Variants in XKR6 observed in about 807,000 individuals in gnomAD.
The protein encoded by XKR6 is XK related 6, also known as XK-related protein 6.
In XKR6, 22 loss-of-function variants were observed where a neutral mutation model predicts 56.7. That is an observed-to-expected ratio of 0.39 (90% CI 0.28 to 0.55). The LOEUF is 0.55. XKR6 is among the 20% of genes least tolerant of loss of function. XKR6 has a pLI of 0.66. For synonymous variants in XKR6, 524 were observed against 387.8 expected (o/e 1.35, Z -4.13); for missense variants, 852 against 889.0 (o/e 0.96, Z 0.53).
chr8:11,144,544 T>C (rs1282998219), intron 1 of XKR6, among the ~76,000 whole-genome samples: 1 of 151,968 alleles, frequency 6.6e-6, no homozygotes, highest in African/African-American at 2.4e-5. Flanking sequence ...AGAGCTCGGC[T>C]GGTAATGATT....
chr8:11,151,622 T>C (rs2116976648), intron 1 of XKR6, among the ~76,000 whole-genome samples: 1 of 152,042 alleles, frequency 6.6e-6, no homozygotes, highest in Admixed American at 6.5e-5. Flanking sequence ...GCCTGGTGGA[T>C]TCAGAGCAGA....
chr8:11,055,930 C>T (rs142241076), intron 1 of XKR6, among the ~76,000 whole-genome samples: 242 of 152,290 alleles, frequency 1.6e-3, no homozygotes, highest in African/African-American at 5.8e-3. Flanking sequence ...CTTTGTGTTC[C>T]AGGCAAACTA....
At chr8:11,025,440 C>T (rs1798839016) in intron 1 of XKR6, among the ~76,000 whole-genome samples, 1 of 152,144 alleles carries the variant, frequency 6.6e-6, no homozygotes, top group Non-Finnish European at 1.5e-5. Flanking sequence ...GAAAGCCAGA[C>T]ACTTGGGGTG....
At chr8:11,058,452 G>T (rs942110735) in intron 1 of XKR6, among the ~76,000 whole-genome samples, 1 of 152,190 alleles carries the variant, frequency 6.6e-6, no homozygotes, top group African/African-American at 2.4e-5. Context: ...GCCCATCAGT[G>T]ATAGACTGGA....
rs1798275859 is a variant in XKR6, at chr8:11,002,877, G to A, written c.765-78047C>T. Among the ~76,000 whole-genome samples the A allele has an allele frequency of 2.0e-5, 3 of 152,190 alleles. No homozygotes were observed. In the South Asian group the frequency reaches 6.2e-4, roughly 32 times the overall value. On this transcript the variant is annotated intron_variant, in intron 1 of 2. Transcript: ENST00000416569. ...AAAGTCACCGGTGGAAATAATCTGGGTATGGTTACAGAGCAAGGCACTTCT... is the reference window on the plus strand; with the variant it reads ...AAAGTCACCGGTGGAAATAATCTGGATATGGTTACAGAGCAAGGCACTTCT...
intron 1 of XKR6, among the ~76,000 whole-genome samples, chr8:11,134,987 G>T (rs1800306940): frequency 6.6e-6 from 1 of 151,174 alleles, no homozygotes; most frequent in African/African-American, 2.4e-5. Context: ...GATTGTATTT[G>T]TTTATTTTAA....
At chr8:10,999,910 T>C (rs2129142724) in intron 1 of XKR6, among the ~76,000 whole-genome samples, 1 of 152,198 alleles carries the variant, frequency 6.6e-6, no homozygotes, top group East Asian at 1.9e-4. Flanking sequence ...CAGTGTTTCT[T>C]ATAAACTAAC....
chr8:10,924,600 C>A (rs1420990857), intron 2 of XKR6, 34 bp downstream of exon 2: 1 of 1,579,746 alleles, frequency 6.3e-7, no homozygotes, highest in Non-Finnish European at 8.6e-7. Flanking sequence ...GGAGGGCAGG[C>A]CGGGGTGGCG....
intron 1 of XKR6, among the ~76,000 whole-genome samples, chr8:10,991,548 G>A (rs1460127893): frequency 6.6e-6 from 1 of 152,132 alleles, no homozygotes; most frequent in Non-Finnish European, 1.5e-5. Flanking sequence ...GTTGCCATAG[G>A]TCTTAACTTG....
chr8:11,165,349 C>T (rs756893469), intron 1 of XKR6, among the ~76,000 whole-genome samples: 12 of 152,040 alleles, frequency 7.9e-5, no homozygotes, highest in Admixed American at 2.0e-4. Context: ...CTGCCCACCT[C>T]GGCTTCCCAA....
At chr8:11,142,726 C>T (rs549712991) in intron 1 of XKR6, among the ~76,000 whole-genome samples, 1 of 152,170 alleles carries the variant, frequency 6.6e-6, no homozygotes, top group Non-Finnish European at 1.5e-5. Flanking sequence ...GTACAGCCTG[C>T]AGAACCATGA....
At chr8:11,008,351 G>A (rs957862660) in intron 1 of XKR6, among the ~76,000 whole-genome samples, 11 of 151,492 alleles carry the variant, frequency 7.3e-5, no homozygotes, top group Admixed American at 2.0e-4. Flanking sequence ...CTACAGCCAG[G>A]CCTTCTTTCC....
intron 2 of XKR6, among the ~76,000 whole-genome samples, chr8:10,910,993 C>A (rs1800340661): frequency 6.6e-6 from 1 of 152,036 alleles, no homozygotes; most frequent in Non-Finnish European, 1.5e-5. Flanking sequence ...GGCACAATGC[C>A]CTGTTGCTCC....
chr8:10,898,444 A>G lies in XKR6; in HGVS notation c.1434T>C (p.Cys478=), dbSNP rs1450428443. ...TTDSYAVPAL[C]CVFISFVAGI... ...CAGCCACAAAGCTAATAAAGACACA[A>G]CACAGTGCTGGCACCGCATAGGAGT... The change falls in exon 3 of 3, where the codon TGT becomes TGC. Residue 478 remains cysteine (C), a synonymous_variant. Coordinates refer to ENST00000416569, the MANE Select transcript of XKR6 (RefSeq NM_173683.4). This position sits in a 1 kb window ranked among gnomAD's most constrained non-coding sequence, Gnocchi z 6.6. 2.5e-6 allele frequency: 4 copies of G among 1,614,074 alleles called. No individual in the cohort carries two copies. The highest frequency in any genetic ancestry group is 2.5e-6 in the Non-Finnish European group (3 of 1,180,016).
intron 2 of XKR6, among the ~76,000 whole-genome samples, chr8:10,899,578 G>C (rs115955489): frequency 1.3e-5 from 2 of 152,156 alleles, no homozygotes; most frequent in South Asian, 2.1e-4. Context: ...TGGTCTTTTC[G>C]GCCTCTCCAC....
chr8:11,155,209 C>A (rs990655944), intron 1 of XKR6, among the ~76,000 whole-genome samples: 2 of 152,176 alleles, frequency 1.3e-5, no homozygotes, highest in African/African-American at 4.8e-5. Flanking sequence ...GTTACCAAAG[C>A]CTTACTGTCT....
chr8:10,968,163 C>T (rs928413754), intron 1 of XKR6, among the ~76,000 whole-genome samples: 10 of 152,182 alleles, frequency 6.6e-5, no homozygotes, highest in Admixed American at 1.3e-4. Context: ...CCATTCCTGG[C>T]CTTGCATCCG....
intron 1 of XKR6, among the ~76,000 whole-genome samples, chr8:10,966,104 C>G (rs192750691): frequency 6.6e-6 from 1 of 152,258 alleles, no homozygotes; most frequent in East Asian, 1.9e-4. Context: ...ACACAGCAAC[C>G]GTGCCAGGTG....
chr8:11,148,120 G>A (rs1022268799), intron 1 of XKR6, among the ~76,000 whole-genome samples: 3 of 152,102 alleles, frequency 2.0e-5, no homozygotes, highest in African/African-American at 4.8e-5. Flanking sequence ...TGAGGCAGGA[G>A]AATCCCTTGA....
Sources: allele counts gnomAD v4.1 joint callset (sites outside exome capture counted in the v4.1 genomes callset), GRCh38; gene constraint gnomAD v4.1.1; non-coding constraint Gnocchi (gnomAD v3.1); transcripts MANE v1.5; gene names NCBI Gene and HGNC (gene_info 2026-07-23, HGNC 2026-07-21).